Variants in SPI1 observed in about 807,000 individuals in gnomAD.
The protein encoded by SPI1 is transcription factor PU.1.
A neutral mutation model predicts 30.7 loss-of-function variants in SPI1; 3 were observed. That is an observed-to-expected ratio of 0.10 (90% confidence interval 0.04 to 0.25). The LOEUF (loss-of-function observed/expected upper bound fraction) is 0.25, where lower values mean the gene tolerates loss of function less well. Ranked by LOEUF, SPI1 falls within the 10% of genes least tolerant of loss-of-function variation. The pLI, the probability that SPI1 is intolerant of heterozygous loss-of-function variation, is 1.00. For missense variants in SPI1, 261 were observed against 371.5 expected, an observed-to-expected ratio of 0.70 and a Z score of 2.45; for synonymous variants, 169 against 157.1, an observed-to-expected ratio of 1.08 and a Z score of -0.56.
At chr11:47,372,171 C>G (rs2095936831) in intron 2 of SPI1, among the ~76,000 whole-genome samples, 1 of 150,722 alleles carries the variant, frequency 6.6e-6, no homozygotes, top group South Asian at 2.1e-4. Flanking sequence ...GTGGCGCGAT[C>G]TCAGCTCACT....
At position 47,354,887 on chromosome 11, in the gene SPI1, T is replaced by G; in HGVS notation, c.*340A>C. On this transcript the variant is annotated 3_prime_UTR_variant, in exon 5 of 5. Transcript: ENST00000378538. ...GATTGAGAATAACTTTACTTGTTTT[T>G]TGGGAGGAGGTTAATGGGTGGGAGG... The G allele has an allele frequency of 4.5e-6, 1 of 222,588 alleles. No individual in the cohort carries two copies. Among genetic ancestry groups the G allele is most frequent in the Non-Finnish European group, 8.8e-6 (1 of 113,076 alleles). The allele number at this position is 222,588 out of a possible 1,614,324, so 13.8% of individuals were successfully genotyped here.
intron 4 of SPI1, among the ~76,000 whole-genome samples, chr11:47,356,936 A>G (rs111210746): frequency 0.05 from 7,359 of 147,608 alleles, 613 homozygotes; most frequent in African/African-American, 0.17. Flanking sequence ...CACACCATTC[A>G]CTCACGCACA....
rs535057904 is a variant in SPI1, at chr11:47,374,690, C to T, written c.142+943G>A. ...GACTCACCCACTGACTAGGCCACCT[C>T]GCTTTGGGTCAGGGATGTCTACATC... is the stretch of plus-strand genomic sequence containing the variant. On this transcript the variant is annotated intron_variant, in intron 2 of 4. Coordinates refer to ENST00000378538, the MANE Select transcript of SPI1 (RefSeq NM_003120.3). This position sits in a 1 kb window ranked among gnomAD's most constrained non-coding sequence, Gnocchi z 4.5. Among the ~76,000 whole-genome samples the T allele has an allele frequency of 3.3e-5, 5 of 152,208 alleles. No individual in the cohort carries two copies. The highest frequency in any genetic ancestry group is 1.9e-4 in the East Asian group (1 of 5,202).
Position 47,355,323 on chromosome 11 carries a change from G to T in SPI1, c.717C>A (p.Gly239=), listed in dbSNP as rs150932236. The T allele has an allele frequency of 3.0e-5, 49 of 1,611,958 alleles. No homozygotes were observed. The East Asian group carries it at 1.1e-3, about 35-fold the overall frequency. ...ARALRNYGKT[G]EVKKVKKKLT... ...GCTTCTTCTTCACCTTCTTGACCTC[G>T]CCCGTCTTGCCGTAGTTGCGCAGCG... Residue 239 remains glycine (G), a synonymous_variant, in exon 5 of 5, where the codon GGC becomes GGA. Transcript: ENST00000378538.
Position 47,358,910 on chromosome 11 carries a change from G to A in SPI1, c.427C>T (p.Leu143=). Residue 143 remains leucine, a synonymous_variant, in exon 4 of 5, where the codon CTG becomes TTG. Transcript: ENST00000378538. ...TCCGCCTCGCCGTCAGACACCTCCAGTGGGGGGCTCTGCCGCTCGCCCTCC... is the reference window on the plus strand; with the variant it reads ...TCCGCCTCGCCGTCAGACACCTCCAATGGGGGGCTCTGCCGCTCGCCCTCC... ...EEEGERQSPP[L]EVSDGEADGL... 1.3e-6 allele frequency: 2 copies of A among 1,566,072 alleles called. No homozygotes were observed. The highest frequency in any genetic ancestry group is 1.7e-6 in the Non-Finnish European group (2 of 1,156,132).
At chr11:47,356,475 G>A (rs2095909630) in intron 4 of SPI1, among the ~76,000 whole-genome samples, 1 of 149,158 alleles carries the variant, frequency 6.7e-6, no homozygotes, top group Non-Finnish European at 1.5e-5. Flanking sequence ...CCCCACACAC[G>A]GTCACACCCA....
intron 2 of SPI1, among the ~76,000 whole-genome samples, chr11:47,371,036 C>A: frequency 6.6e-6 from 1 of 152,094 alleles, no homozygotes; most frequent in Non-Finnish European, 1.5e-5. Flanking sequence ...TATTCCACAT[C>A]TTCATTTGTA....
rs2095917905 is a variant in SPI1, at chr11:47,359,784, T to C, written c.330+69A>G. 4 of 1,537,054 alleles carry C rather than the reference T, an allele frequency of 2.6e-6. No homozygotes were observed. The highest frequency in any genetic ancestry group is 3.5e-6 in the Non-Finnish European group (4 of 1,129,784). ...TGGGTAAGAGCCTGTGTCAGCTTCC[T>C]GTGAAGCTCCCGGGCCCCACCACAG... On this transcript the variant is annotated intron_variant, in intron 3 of 4. Coordinates refer to ENST00000378538, the MANE Select transcript of SPI1 (RefSeq NM_003120.3). This position sits in a 1 kb window ranked among gnomAD's most constrained non-coding sequence, Gnocchi z 5.1.
At chr11:47,371,729 G>T (rs947253876) in intron 2 of SPI1, among the ~76,000 whole-genome samples, 5 of 152,094 alleles carry the variant, frequency 3.3e-5, no homozygotes, top group Admixed American at 3.3e-4. Context: ...TACACAGAAG[G>T]TTATTCAGAT....
At chr11:47,358,523 C>A in intron 4 of SPI1, 1 of 676,502 alleles carries the variant, frequency 1.5e-6, no homozygotes, top group Non-Finnish European at 2.7e-6. Flanking sequence ...CAGCCACTCG[C>A]ACACATGCAC....
intron 2 of SPI1, among the ~76,000 whole-genome samples, chr11:47,366,034 C>T (rs1408342462): frequency 2.6e-5 from 4 of 152,114 alleles, no homozygotes; most frequent in Non-Finnish European, 5.9e-5. Context: ...ATCCACCTGA[C>T]CACCATCATT....
intron 4 of SPI1, 88 bp from the exon 5 acceptor site, chr11:47,355,634 A>C: frequency 8.3e-7 from 1 of 1,210,650 alleles, no homozygotes; most frequent in Non-Finnish European, 1.1e-6. Context: ...GGGCCCGGGG[A>C]CGGGGTGGCC....
rs1271287047 is a variant in SPI1, at chr11:47,374,041, C to T, written c.142+1592G>A. On this transcript the variant is annotated intron_variant, in intron 2 of 4. Transcript: ENST00000378538. This position sits in a 1 kb window ranked among gnomAD's most constrained non-coding sequence, Gnocchi z 4.5. The stretch of plus-strand genomic sequence containing the variant: ...AGGGATTGGGCCAGGGAGAATGCGT[C>T]CTTGTTGGAGGAGGCCTGACAGCAC... Among the ~76,000 whole-genome samples the T allele has an allele frequency of 6.6e-6, 1 of 152,196 alleles. No homozygotes were observed. Among genetic ancestry groups the T allele is most frequent in the Non-Finnish European group, 1.5e-5 (1 of 68,028 alleles).
chr11:47,364,189 A>G (rs1050738427), intron 2 of SPI1, among the ~76,000 whole-genome samples: 3 of 151,192 alleles, frequency 2.0e-5, no homozygotes, highest in Non-Finnish European at 4.4e-5. Flanking sequence ...AGCTGGGACT[A>G]CAGGTGCCTG....
At chr11:47,356,997 TAC>T (rs769133524) in intron 4 of SPI1, among the ~76,000 whole-genome samples, 97 of 146,112 alleles carry the variant, frequency 6.6e-4, no homozygotes, top group Non-Finnish European at 1.3e-3. Flanking sequence ...CACCTATCCA[TAC>T]ACACACTTCC....
chr11:47,376,817 C>T (rs1011636505), intron 1 of SPI1, among the ~76,000 whole-genome samples: 6 of 152,132 alleles, frequency 3.9e-5, no homozygotes, highest in African/African-American at 1.4e-4. Context: ...CTTGGGGGAC[C>T]GGGGCTGCCT....
intron 2 of SPI1, among the ~76,000 whole-genome samples, chr11:47,362,486 C>T (rs1053653844): frequency 1.3e-5 from 2 of 151,580 alleles, no homozygotes; most frequent in Admixed American, 6.6e-5. Flanking sequence ...ACGAAAAGAT[C>T]GTTTGAACCC....
At chr11:47,356,590 G>A (rs2095910020) in intron 4 of SPI1, among the ~76,000 whole-genome samples, 1 of 148,160 alleles carries the variant, frequency 6.7e-6, no homozygotes, top group South Asian at 2.2e-4. Context: ...CTCACACCAG[G>A]TCTCATAATC....
chr11:47,371,475 T>C (rs1276586016), intron 2 of SPI1, among the ~76,000 whole-genome samples: 1 of 143,074 alleles, frequency 7.0e-6, no homozygotes, highest in Non-Finnish European at 1.5e-5. Context: ...GAGACCAGCC[T>C]GGCCAACATG....
Sources: allele counts gnomAD v4.1 joint callset (sites outside exome capture counted in the v4.1 genomes callset), GRCh38; gene constraint gnomAD v4.1.1; non-coding constraint Gnocchi (gnomAD v3.1); transcripts MANE v1.5; gene names NCBI Gene and HGNC (gene_info 2026-07-23, HGNC 2026-07-21).